FOLR1: variants seen among roughly 807,000 people sequenced by gnomAD.
The protein encoded by FOLR1 is folate receptor alpha, also known as KB cells FBP.
In FOLR1, 11 loss-of-function variants were observed where a neutral mutation model predicts 22.8. That is an observed-to-expected ratio of 0.48 (90% CI 0.30 to 0.80). The LOEUF (loss-of-function observed/expected upper bound fraction) is 0.80. FOLR1 is among the 30% of genes least tolerant of loss of function. FOLR1 has a pLI of 0.06. For missense variants in FOLR1, 273 were observed against 320.3 expected (o/e 0.85, Z 1.13); for synonymous variants, 108 against 116.5 (o/e 0.93, Z 0.47).
chr11:72,194,509 C>A (rs1371285679), intron 1 of FOLR1, among the ~76,000 whole-genome samples: 1 of 152,166 alleles, frequency 6.6e-6, no homozygotes. Flanking sequence ...ACACCATTCT[C>A]CTGCCTCAGC....
chr11:72,195,829 T>C, intron 3 of FOLR1, 68 bp from the exon 4 acceptor site: 1 of 1,613,754 alleles, frequency 6.2e-7, no homozygotes. Flanking sequence ...CAATTTGGAG[T>C]TGTAGGGCTG....
chr11:72,194,369 A>G (rs919821555), intron 1 of FOLR1, among the ~76,000 whole-genome samples: 4 of 152,150 alleles, frequency 2.6e-5, no homozygotes, highest in Non-Finnish European at 5.9e-5. Context: ...AGCTGGGATT[A>G]CAGGTGTCCG....
In FOLR1 at chr11:72,195,983, A is replaced by T. The variant is rs375913176; in HGVS notation, c.580A>T (p.Thr194Ser). 2.5e-6 allele frequency: 4 copies of T among 1,613,880 alleles called. No homozygotes were observed. The highest frequency in any genetic ancestry group is 1.7e-5 in the Admixed American group (1 of 59,964). The change falls in exon 4 of 4, where the codon ACT (threonine) becomes TCT (serine). Residue 194 changes from threonine to serine, a missense_variant. Physicochemically the swap from Thr to Ser is moderately conservative, Grantham distance 58 (BLOSUM62 1). Coordinates refer to ENST00000393676, the MANE Select transcript of FOLR1 (RefSeq NM_016729.3). Reference protein sequence around the residue: ...TPTVLCNEIWTHSYKVSNYSR... With the variant: ...TPTVLCNEIWSHSYKVSNYSR... The stretch of plus-strand genomic sequence containing the variant: ...CACTGTTCTGTGCAATGAAATCTGG[A>T]CTCACTCCTACAAGGTCAGCAACTA...
intron 1 of FOLR1, 68 bp from the exon 2 acceptor site, chr11:72,195,203 A>T: frequency 7.0e-7 from 1 of 1,428,398 alleles, no homozygotes; most frequent in Non-Finnish European, 9.9e-7. Context: ...GAGACACTGC[A>T]TGTGGAATAT....
At chr11:72,191,652 G>A (rs752414009), upstream of FOLR1, among the ~76,000 whole-genome samples, 1 of 152,138 alleles carries the variant, frequency 6.6e-6, no homozygotes, top group East Asian at 1.9e-4. Context: ...ATGAGCCACC[G>A]CGCCCAGCCC....
intron 1 of FOLR1, among the ~76,000 whole-genome samples, chr11:72,194,876 G>T (rs76101020): frequency 0.016 from 2,373 of 152,228 alleles, 43 homozygotes; most frequent in East Asian, 0.08. Flanking sequence ...TCAAATCTTT[G>T]ACACCTCAGT....
At chr11:72,193,179 TA>T (rs957654210) in intron 1 of FOLR1, among the ~76,000 whole-genome samples, 12 of 151,020 alleles carry the variant, frequency 7.9e-5, no homozygotes, top group Non-Finnish European at 1.5e-4. Flanking sequence ...TACTAAAAAA[TA>T]AAAAAAATTA....
upstream of FOLR1, among the ~76,000 whole-genome samples, chr11:72,189,926 C>G (rs577571815): frequency 1.3e-5 from 2 of 152,304 alleles, no homozygotes; most frequent in South Asian, 4.1e-4. Flanking sequence ...CAAGGTTAAA[C>G]GACAAGTTAG....
At chr11:72,190,603 T>C (rs2135384241), upstream of FOLR1, 1 of 152,336 alleles carries the variant, frequency 6.6e-6, no homozygotes, top group East Asian at 1.9e-4. Context: ...TCACCTGGTA[T>C]TCCCTGAGAG....
Position 72,195,885 on chromosome 11 carries a change from T to C in FOLR1, c.494-12T>C. 6.2e-7 allele frequency: 1 copy of C among 1,614,174 alleles called. No homozygotes were observed. The highest frequency in any genetic ancestry group is 1.1e-5 in the South Asian group (1 of 91,074). On this transcript the variant is annotated splice_polypyrimidine_tract_variant and intron_variant, in intron 3 of 3. Coordinates refer to ENST00000393676, the MANE Select transcript of FOLR1 (RefSeq NM_016729.3). ...GGGCCCAGTGGCTAAAGGTCTTCCC[T>C]CCTCTCTACAGGGTTTAACAAGTGC...
chr11:72,192,361 G>A lies in FOLR1; in HGVS notation c.168+20G>A, dbSNP rs779704994. 1 of 1,613,336 alleles carries A rather than the reference G, an allele frequency of 6.2e-7. No homozygotes were observed. Among genetic ancestry groups the A allele is most frequent in the South Asian group, 1.1e-5 (1 of 91,042 alleles). ...GAGCAGGTGGGCCAGGGGGTGATCT[G>A]GGGTGGTGAGGGACTGGCTCAGGAA... On this transcript the variant is annotated intron_variant, in intron 1 of 3. Transcript: ENST00000393676.
At chr11:72,193,211 C>T (rs1043760260) in intron 1 of FOLR1, among the ~76,000 whole-genome samples, 2 of 152,040 alleles carry the variant, frequency 1.3e-5, no homozygotes, top group Non-Finnish European at 2.9e-5. Context: ...GTGGCACATG[C>T]CTGCAGTCCC....
rs139633601 is a variant in FOLR1, at chr11:72,195,911, G to A, written c.508G>A (p.Ala170Thr). The change falls in exon 4 of 4, where the codon GCA becomes ACA. Residue 170 changes from alanine (A) to threonine (T), a missense_variant. Transcript: ENST00000393676. ...WNWTSGFNKCAVGAACQPFHF... is the reference protein window; with the variant it reads ...WNWTSGFNKCTVGAACQPFHF... Reference sequence around the variant, plus strand: ...CCTCTCTACAGGGTTTAACAAGTGCGCAGTGGGAGCTGCCTGCCAACCTTT... The same window carrying A: ...CCTCTCTACAGGGTTTAACAAGTGCACAGTGGGAGCTGCCTGCCAACCTTT... 464 of 1,614,212 alleles carry A rather than the reference G, an allele frequency of 2.9e-4. 2 individuals carry two copies. In the African/African-American group the frequency reaches 5.4e-3, roughly 19 times the overall value.
upstream of FOLR1, chr11:72,190,555 A>T (rs953452136): frequency 9.8e-5 from 15 of 152,316 alleles, no homozygotes; most frequent in African/African-American, 3.4e-4. Context: ...TGCTCTAAAC[A>T]GTTAGGGTTT....
upstream of FOLR1, among the ~76,000 whole-genome samples, chr11:72,190,994 T>C (rs1230802000): frequency 6.6e-6 from 1 of 152,184 alleles, no homozygotes; most frequent in African/African-American, 2.4e-5. Flanking sequence ...AGAGAAGTCA[T>C]AGGAAATAAA....
chr11:72,195,823 T>G, intron 3 of FOLR1, 74 bp from the exon 4 acceptor site: 1 of 1,614,030 alleles, frequency 6.2e-7, no homozygotes, highest in East Asian at 2.2e-5. Context: ...ATGTGACAAT[T>G]TGGAGTTGTA....
At chr11:72,191,870 T>A (rs1413952431), upstream of FOLR1, among the ~76,000 whole-genome samples, 1 of 152,216 alleles carries the variant, frequency 6.6e-6, no homozygotes, top group Non-Finnish European at 1.5e-5. Flanking sequence ...AACATTTGAA[T>A]AAGGCATTGT....
chr11:72,195,273 T>C lies in FOLR1; in HGVS notation c.171T>C (p.Cys57=), dbSNP rs930764783. ...PGPEDKLHEQ[C]RPWRKNACCS... ...GTCCTCTGTCTTCCCCCATCCAGTG[T>C]CGACCCTGGAGGAAGAATGCCTGCT... Residue 57 remains cysteine (C), a splice_region_variant and synonymous_variant, in exon 2 of 4, where the codon TGT becomes TGC. Transcript: ENST00000393676. The C allele has an allele frequency of 7.4e-6, 12 of 1,613,972 alleles. No homozygotes were observed. The Admixed American group carries it at 1.2e-4, about 16-fold the overall frequency.
upstream of FOLR1, chr11:72,192,128 G>T (rs113814612): frequency 3.1e-6 from 5 of 1,611,712 alleles, no homozygotes; most frequent in South Asian, 2.2e-5. Context: ...CCCCACCTCC[G>T]CATTCCTTGG....
Sources: gnomAD v4.1 joint callset for allele counts (sites outside exome capture counted in the v4.1 genomes callset) on GRCh38, gnomAD v4.1.1 for gene constraint, MANE v1.5 for transcripts, NCBI Gene and HGNC (gene_info 2026-07-23, HGNC 2026-07-21) for gene names.